Variants in GNG12 observed in about 807,000 individuals in gnomAD.
GNG12 encodes guanine nucleotide-binding protein G(I)/G(S)/G(O) subunit gamma-12.
For synonymous variants in GNG12, 28 were observed against 29.7 expected (o/e 0.94, Z 0.19); for missense variants, 69 against 83.8 (o/e 0.82, Z 0.69).
chr1:67,832,509 T>A (rs1647052895), intron 1 of GNG12: 1 of 152,116 alleles, frequency 6.6e-6, no homozygotes, highest in South Asian at 2.1e-4. Flanking sequence ...CGGGAGGTGC[T>A]AAGTGACAGC....
At chr1:67,772,048 T>C (rs940306056) in intron 2 of GNG12, among the ~76,000 whole-genome samples, 1 of 152,112 alleles carries the variant, frequency 6.6e-6, no homozygotes, top group South Asian at 2.1e-4. Context: ...GCTAGCCAAG[T>C]CTAAAACAAT....
At chr1:67,789,385 T>C (rs1457509360) in intron 1 of GNG12, among the ~76,000 whole-genome samples, 1 of 152,186 alleles carries the variant, frequency 6.6e-6, no homozygotes, top group East Asian at 1.9e-4. Flanking sequence ...TAATTGTATT[T>C]GAATGGAACT....
intron 1 of GNG12, among the ~76,000 whole-genome samples, chr1:67,813,031 A>G (rs1422743198): frequency 2.0e-5 from 3 of 152,212 alleles, no homozygotes; most frequent in Non-Finnish European, 4.4e-5. Context: ...GTTAGGCTCC[A>G]TAATGACGAT....
chr1:67,805,329 A>G (rs372140558), intron 1 of GNG12, among the ~76,000 whole-genome samples: 22 of 152,348 alleles, frequency 1.4e-4, no homozygotes, highest in East Asian at 5.8e-4. Flanking sequence ...AAAACACTGA[A>G]GGAACCAAAC....
At chr1:67,735,967 G>A (rs780750143) in intron 2 of GNG12, among the ~76,000 whole-genome samples, 7 of 152,178 alleles carry the variant, frequency 4.6e-5, no homozygotes, top group Non-Finnish European at 7.3e-5. Flanking sequence ...CCAAGTGGAG[G>A]AGTTCTCACA....
Position 67,744,088 on chromosome 1 carries a change from T to C in GNG12, c.-27+33370A>G, listed in dbSNP as rs147387332. Among the ~76,000 whole-genome samples the C allele has an allele frequency of 4.4e-3, 666 of 152,352 alleles. 1 individual carries two copies. Among genetic ancestry groups the C allele is most frequent in the Non-Finnish European group, 7.2e-3 (487 of 68,038 alleles). Reference sequence around the variant, plus strand: ...AATAAATGTAACAGTATTTACTGGATGCTTCCTATGTACCAGGTACTGGTG... The same window carrying C: ...AATAAATGTAACAGTATTTACTGGACGCTTCCTATGTACCAGGTACTGGTG... On this transcript the variant is annotated intron_variant, in intron 2 of 3. Transcript: ENST00000370982.
chr1:67,800,009 T>C (rs993262026), intron 1 of GNG12, among the ~76,000 whole-genome samples: 1 of 152,198 alleles, frequency 6.6e-6, no homozygotes, highest in African/African-American at 2.4e-5. Flanking sequence ...GTGTGGATAT[T>C]CTTCTTTGAA....
intron 1 of GNG12, among the ~76,000 whole-genome samples, chr1:67,793,851 T>A (rs769232661): frequency 1.3e-5 from 2 of 152,214 alleles, no homozygotes; most frequent in Non-Finnish European, 2.9e-5. Context: ...TGTTAACAGT[T>A]CTTTGACCAG....
chr1:67,748,923 C>A (rs1646522736), intron 2 of GNG12, among the ~76,000 whole-genome samples: 3 of 152,098 alleles, frequency 2.0e-5, no homozygotes. Flanking sequence ...CATGTGAAGT[C>A]CAGAATAGCC....
chr1:67,714,411 C>T lies in GNG12; in HGVS notation c.-26-6699G>A, dbSNP rs145718003. Among the ~76,000 whole-genome samples, 116 of 152,286 alleles carry T rather than the reference C, an allele frequency of 7.6e-4. 1 individual carries two copies. In the East Asian group the frequency reaches 0.015, roughly 20 times the overall value. ...TAAGGCCTTGGGAGAGGACTGATAA[C>T]GTATTTAAGCCTCAGCTTTCTCATT... On this transcript the variant is annotated intron_variant, in intron 2 of 3. Transcript: ENST00000370982.
chr1:67,756,488 A>G (rs1176915884), intron 2 of GNG12, among the ~76,000 whole-genome samples: 3 of 152,160 alleles, frequency 2.0e-5, no homozygotes, highest in African/African-American at 7.2e-5. Context: ...ATGTGGTGCT[A>G]TGGCTGCTGC....
intron 1 of GNG12, among the ~76,000 whole-genome samples, chr1:67,808,762 G>A (rs1646907441): frequency 6.6e-6 from 1 of 152,062 alleles, no homozygotes; most frequent in Non-Finnish European, 1.5e-5. Flanking sequence ...ATCTGTATAA[G>A]GAAAACTATA....
chr1:67,779,975 A>C (rs1236821622), intron 1 of GNG12, among the ~76,000 whole-genome samples: 1 of 152,170 alleles, frequency 6.6e-6, no homozygotes, highest in African/African-American at 2.4e-5. Flanking sequence ...TATAGTAAAA[A>C]CATGGTATTA....
chr1:67,833,465 G>A lies in GNG12; in HGVS notation c.-198C>T. 1.0e-6 allele frequency: 1 copy of A among 985,374 alleles called. No homozygotes were observed. Among genetic ancestry groups the A allele is most frequent in the Non-Finnish European group, 1.2e-6 (1 of 830,274 alleles). 61.0% of individuals were successfully genotyped at this position (985,374 alleles called of 1,614,324 possible). On this transcript the variant is annotated 5_prime_UTR_variant, in exon 1 of 4. Transcript: ENST00000370982. Reference sequence around the variant, plus strand: ...CTCCTCCGGGCGCCGGCTCCGCCTCGCTGGGGTGGGCGGGGCGGCGGCGGC... The same window carrying A: ...CTCCTCCGGGCGCCGGCTCCGCCTCACTGGGGTGGGCGGGGCGGCGGCGGC...
chr1:67,707,909 A>G (rs190440273), intron 2 of GNG12, among the ~76,000 whole-genome samples, 197 bp from the exon 3 acceptor site: 11 of 152,342 alleles, frequency 7.2e-5, no homozygotes, highest in Admixed American at 7.2e-4. Context: ...TTGAGCACCT[A>G]CATAAATCTT....
intron 1 of GNG12, among the ~76,000 whole-genome samples, chr1:67,806,430 G>C (rs534371140): frequency 2.0e-5 from 3 of 152,074 alleles, no homozygotes; most frequent in South Asian, 4.2e-4. Flanking sequence ...ATATTTACGG[G>C]ATGTGAAACC....
chr1:67,710,034 A>G lies in GNG12; in HGVS notation c.-26-2322T>C, dbSNP rs57394916. 1.2e-3 allele frequency among the ~76,000 whole-genome samples: 59 copies of G among 49,368 alleles called. No individual in the cohort carries two copies. In the East Asian group the frequency reaches 0.014, roughly 12 times the overall value. 32.4% of individuals were successfully genotyped at this position (49,368 alleles called of 152,430 possible). A position where few individuals can be genotyped will look rare whatever the true frequency, so the allele number is the denominator to read the frequency against. Reference sequence around the variant, plus strand: ...TAGTTATATATATAGTTATATATATATAGTTATATATATAGTTATATATAT... The same window carrying G: ...TAGTTATATATATAGTTATATATATGTAGTTATATATATAGTTATATATAT... On this transcript the variant is annotated intron_variant, in intron 2 of 3. Coordinates refer to ENST00000370982, the MANE Select transcript of GNG12 (RefSeq NM_018841.6).
chr1:67,751,193 AC>A, intron 2 of GNG12, among the ~76,000 whole-genome samples: 1 of 134,888 alleles, frequency 7.4e-6, no homozygotes, highest in African/African-American at 3.8e-5. Context: ...AGACACACAC[AC>A]ACACACACAC....
intron 1 of GNG12, among the ~76,000 whole-genome samples, chr1:67,785,579 G>A (rs945751912): frequency 1.3e-5 from 2 of 152,108 alleles, no homozygotes; most frequent in African/African-American, 4.8e-5. Flanking sequence ...CTGCATGGAG[G>A]AGCACTCGTT....
Sources: allele counts gnomAD v4.1 joint callset (sites outside exome capture counted in the v4.1 genomes callset), GRCh38; gene constraint gnomAD v4.1.1; transcripts MANE v1.5; gene names NCBI Gene and HGNC (gene_info 2026-07-23, HGNC 2026-07-21).